The following AGAP1 variants were observed in gnomAD, a reference collection of about 807,000 sequenced individuals.
The protein encoded by AGAP1 is ArfGAP with GTPase domain, ankyrin repeat and PH domain 1, also known as arf-GAP with GTPase, ANK repeat and PH domain-containing protein 1.
AGAP1 carries 29 observed loss-of-function variants against 105.3 expected under a neutral mutation model. That is an observed-to-expected ratio of 0.28 (90% CI 0.21 to 0.38). AGAP1 has a LOEUF of 0.38. Ranked by LOEUF, AGAP1 falls within the 10% of genes least tolerant of loss-of-function variation. The probability of loss-of-function intolerance (pLI) is 1.00; values close to 1 mark genes in which losing one functional copy is unlikely to be tolerated. For missense variants in AGAP1, 998 were observed against 1,165.1 expected (o/e 0.86, Z 2.09); for synonymous variants, 509 against 485.9 (o/e 1.05, Z -0.63).
rs1474869606 is a variant in AGAP1 at position 235,951,911 on chromosome 2, C to G, written c.1484-16551C>G. On this transcript the variant is annotated intron_variant, in intron 12 of 17. Coordinates refer to ENST00000304032, the MANE Select transcript of AGAP1 (RefSeq NM_001037131.3). The surrounding 1 kb of genome is among the most constrained non-coding windows in gnomAD (Gnocchi z 4.2). The stretch of plus-strand genomic sequence containing the variant: ...CAGATTTTTGGTGGAAACAAATGGT[C>G]CACCCTGATCTACTCATTTACCATC... Among the ~76,000 whole-genome samples the G allele has an allele frequency of 6.6e-6, 1 of 151,836 alleles. No homozygotes were observed. The highest frequency in any genetic ancestry group is 1.5e-5 in the Non-Finnish European group (1 of 68,024).
rs2060019852 is a variant in AGAP1 at position 236,127,352 on chromosome 2, G to A, written c.*3230G>A. On this transcript the variant is annotated 3_prime_UTR_variant, in exon 18 of 18. Transcript: ENST00000304032. This position sits in a 1 kb window ranked among gnomAD's most constrained non-coding sequence, Gnocchi z 6.6. Reference sequence around the variant, plus strand: ...AAATGAGCAGCTCGAGGGTGAGCAAGTGACAAGTTCCTGAGTCACTGGCCC... The same window carrying A: ...AAATGAGCAGCTCGAGGGTGAGCAAATGACAAGTTCCTGAGTCACTGGCCC... The A allele has an allele frequency of 1.3e-5, 2 of 152,368 alleles. No individual in the cohort carries two copies. Among genetic ancestry groups the A allele is most frequent in the East Asian group, 3.9e-4 (2 of 5,182 alleles). The allele number at this position is 152,368 out of a possible 1,614,324, so 9.4% of individuals were successfully genotyped here.
intron 8 of AGAP1, among the ~76,000 whole-genome samples, chr2:235,802,801 T>TG (rs1957571725): frequency 3.0e-5 from 4 of 134,426 alleles, no homozygotes; most frequent in South Asian, 2.3e-4. Flanking sequence ...TGATGATGGT[T>TG]GTGGTGGTGG....
In AGAP1 at chr2:235,737,806, C is replaced by T. The variant is rs773945246; in HGVS notation, c.311-3157C>T. 1.3e-5 allele frequency among the ~76,000 whole-genome samples: 2 copies of T among 152,118 alleles called. No individual in the cohort carries two copies. Among genetic ancestry groups the T allele is most frequent in the Non-Finnish European group, 2.9e-5 (2 of 68,004 alleles). ...TGCAGGGCCCCTGGGACAGGCTCCA[C>T]TCCTCCCTTCTTGCTCTGGAGGTGA... is the stretch of plus-strand genomic sequence containing the variant. On this transcript the variant is annotated intron_variant, in intron 3 of 17. Coordinates refer to ENST00000304032, the MANE Select transcript of AGAP1 (RefSeq NM_001037131.3). The surrounding 1 kb of genome is among the most constrained non-coding windows in gnomAD (Gnocchi z 4.5).
At chr2:235,527,585 C>T (rs983539847) in intron 1 of AGAP1, among the ~76,000 whole-genome samples, 14 of 152,138 alleles carry the variant, frequency 9.2e-5, no homozygotes, top group African/African-American at 3.1e-4. Flanking sequence ...GACGAGGTCT[C>T]GCTCTGTTGT....
intron 12 of AGAP1, among the ~76,000 whole-genome samples, chr2:235,942,903 A>G (rs2053327359): frequency 6.6e-6 from 1 of 152,140 alleles, no homozygotes; most frequent in South Asian, 2.1e-4. Flanking sequence ...CCTGGGCAAC[A>G]TGGAGAGACC....
At chr2:235,765,497 CTG>C (rs1259226081) in intron 6 of AGAP1, among the ~76,000 whole-genome samples, 3 of 152,302 alleles carry the variant, frequency 2.0e-5, no homozygotes, top group Middle Eastern at 6.8e-3. Flanking sequence ...AAGCTGAACA[CTG>C]TTCGTTTGGG....
intron 9 of AGAP1, among the ~76,000 whole-genome samples, chr2:235,857,735 G>A (rs2048748821): frequency 6.6e-6 from 1 of 152,232 alleles, no homozygotes; most frequent in Non-Finnish European, 1.5e-5. Flanking sequence ...GATGAGGAAA[G>A]ACTGGAAGCA....
intron 16 of AGAP1, among the ~76,000 whole-genome samples, chr2:236,060,505 A>G (rs897228719): frequency 1.3e-5 from 2 of 151,824 alleles, no homozygotes; most frequent in African/African-American, 4.8e-5. Context: ...TCTGGACAGC[A>G]TAGGGATACC....
At position 235,888,776 on chromosome 2, in the gene AGAP1, C is replaced by T. The variant is rs547146809; in HGVS notation, c.1155+5327C>T. ...TGTCGGGTAGAGCGGCCACCCACTG[C>T]CCCAGCCTTCCCTGTGGCCACTTCA... On this transcript the variant is annotated intron_variant, in intron 10 of 17. Coordinates refer to ENST00000304032, the MANE Select transcript of AGAP1 (RefSeq NM_001037131.3). The surrounding 1 kb of genome is among the most constrained non-coding windows in gnomAD (Gnocchi z 4.8). 8.5e-4 allele frequency among the ~76,000 whole-genome samples: 129 copies of T among 152,186 alleles called. 1 individual carries two copies. Among genetic ancestry groups the T allele is most frequent in the African/African-American group, 3.0e-3 (126 of 41,522 alleles).
At chr2:236,111,686 G>A in intron 16 of AGAP1, among the ~76,000 whole-genome samples, 1 of 151,906 alleles carries the variant, frequency 6.6e-6, no homozygotes, top group East Asian at 1.9e-4. Context: ...AAGCTACTTG[G>A]GAGGCTGAGT....
intron 1 of AGAP1, among the ~76,000 whole-genome samples, chr2:235,669,036 T>C (rs1448108793): frequency 6.6e-6 from 1 of 152,180 alleles, no homozygotes; most frequent in Non-Finnish European, 1.5e-5. Context: ...AAGATTATTT[T>C]AGAAGTTTTG....
intron 6 of AGAP1, among the ~76,000 whole-genome samples, chr2:235,790,538 CT>C (rs1289929562): frequency 2.0e-5 from 3 of 152,170 alleles, no homozygotes; most frequent in Non-Finnish European, 4.4e-5. Flanking sequence ...CCCCAGGTAT[CT>C]TTCCAAAGCA....
chr2:235,525,085 A>G (rs1450958583), intron 1 of AGAP1, among the ~76,000 whole-genome samples: 3 of 152,234 alleles, frequency 2.0e-5, no homozygotes, highest in Non-Finnish European at 4.4e-5. Context: ...ACAACAGAAA[A>G]TTGAGATTGA....
At chr2:235,808,909 T>C (rs1409162285) in intron 9 of AGAP1, among the ~76,000 whole-genome samples, 1 of 152,218 alleles carries the variant, frequency 6.6e-6, no homozygotes, top group Non-Finnish European at 1.5e-5. Context: ...TTGGTGCCTT[T>C]ATTTATAACC....
chr2:235,820,558 C>T (rs1318362899), intron 9 of AGAP1, among the ~76,000 whole-genome samples: 2 of 152,146 alleles, frequency 1.3e-5, no homozygotes, highest in African/African-American at 2.4e-5. Flanking sequence ...TTAGTAACAC[C>T]GGACTGTTTT....
chr2:235,687,990 C>T (rs147201472), intron 1 of AGAP1, among the ~76,000 whole-genome samples: 4,018 of 150,928 alleles, frequency 0.027, 180 homozygotes, highest in African/African-American at 0.093. Context: ...CAACCTCCGC[C>T]TCCTGGGTTC....
rs1950901720 is a variant in AGAP1 at position 235,712,426 on chromosome 2, G to T, written c.222+3189G>T. ...TGCAGATGTGTGCCCAACAGCAAAA[G>T]CTTGATGCTTCTGTCAGAGGGGAAG... On this transcript the variant is annotated intron_variant, in intron 2 of 17. Transcript: ENST00000304032. This position sits in a 1 kb window ranked among gnomAD's most constrained non-coding sequence, Gnocchi z 6.0. Among the ~76,000 whole-genome samples the T allele has an allele frequency of 6.6e-6, 1 of 152,262 alleles. No homozygotes were observed. Among genetic ancestry groups the T allele is most frequent in the African/African-American group, 2.4e-5 (1 of 41,466 alleles).
Position 235,762,379 on chromosome 2 carries a change from T to G in AGAP1, c.673+11891T>G, listed in dbSNP as rs978501932. On this transcript the variant is annotated intron_variant, in intron 6 of 17. Transcript: ENST00000304032. ...TGGCCAGACACTGGCTCCAAGAGGATGTGAGGAATTCAGGCTCCGAGCAGA... is the reference window on the plus strand; with the variant it reads ...TGGCCAGACACTGGCTCCAAGAGGAGGTGAGGAATTCAGGCTCCGAGCAGA... Among the ~76,000 whole-genome samples the G allele has an allele frequency of 4.6e-5, 7 of 152,072 alleles. 1 individual carries two copies. Among genetic ancestry groups the G allele is most frequent in the Admixed American group, 4.6e-4 (7 of 15,258 alleles).
chr2:235,763,657 G>A (rs1343167988), intron 6 of AGAP1, among the ~76,000 whole-genome samples: 1 of 152,264 alleles, frequency 6.6e-6, no homozygotes, highest in South Asian at 2.1e-4. Context: ...TCCTAATTCA[G>A]CGTTCTCCAG....
Sources: allele counts gnomAD v4.1 joint callset (sites outside exome capture counted in the v4.1 genomes callset), GRCh38; gene constraint gnomAD v4.1.1; non-coding constraint Gnocchi (gnomAD v3.1); transcripts MANE v1.5; gene names NCBI Gene and HGNC (gene_info 2026-07-23, HGNC 2026-07-21).